Variants in PRDM16 observed in about 807,000 individuals in gnomAD.
The protein encoded by PRDM16 is histone-lysine N-methyltransferase PRDM16.
In PRDM16, 23 loss-of-function variants were observed where a neutral mutation model predicts 110.6. The ratio of observed to expected loss-of-function variants is 0.21; its 90% CI spans 0.15 to 0.29. The LOEUF (loss-of-function observed/expected upper bound fraction) is 0.29, where lower values mean the gene tolerates loss of function less well. PRDM16 is among the 10% of genes least tolerant of loss of function. The pLI is 1.00. For missense variants in PRDM16, 1,615 were observed against 1,794.3 expected (o/e 0.90, Z 1.81); for synonymous variants, 799 against 781.8 (o/e 1.02, Z -0.37).
At chr1:3,431,712 C>A (rs1053581402) in intron 15 of PRDM16, among the ~76,000 whole-genome samples, 12 of 151,806 alleles carry the variant, frequency 7.9e-5, no homozygotes, top group Non-Finnish European at 1.6e-4. Flanking sequence ...CTGGCAAGAC[C>A]TGAGCCCCCT....
chr1:3,315,392 T>C (rs1035593493), intron 3 of PRDM16, among the ~76,000 whole-genome samples: 20 of 152,048 alleles, frequency 1.3e-4, no homozygotes, highest in African/African-American at 4.6e-4. Flanking sequence ...CCTGAATTAT[T>C]ATTGGGAGGG....
Position 3,358,882 on chromosome 1 carries a change from G to A in PRDM16, c.439-26270G>A, listed in dbSNP as rs146972791. On this transcript the variant is annotated intron_variant, in intron 3 of 16. Coordinates refer to ENST00000270722, the MANE Select transcript of PRDM16 (RefSeq NM_022114.4). The surrounding 1 kb of genome is among the most constrained non-coding windows in gnomAD (Gnocchi z 4.0). ...GGAAAACAGACACCCCTCTTGGGCC[G>A]CAGAGGAGGTGGGGAAGCCGTGAAG... is the stretch of plus-strand genomic sequence containing the variant. Among the ~76,000 whole-genome samples the A allele has an allele frequency of 0.02, 3,014 of 152,266 alleles. 45 individuals are homozygous for A. Among genetic ancestry groups the A allele is most frequent in the South Asian group, 0.028 (133 of 4,822 alleles).
chr1:3,199,980 C>G (rs1638578211), intron 2 of PRDM16, among the ~76,000 whole-genome samples: 1 of 152,280 alleles, frequency 6.6e-6, no homozygotes, highest in African/African-American at 2.4e-5. Context: ...GCAGAGGCTA[C>G]AGGCCTCCCA....
chr1:3,304,412 G>A lies in PRDM16; in HGVS notation c.438+60275G>A, dbSNP rs137867280. On this transcript the variant is annotated intron_variant, in intron 3 of 16. Transcript: ENST00000270722. The stretch of plus-strand genomic sequence containing the variant: ...TTCCCTTAACAAGTGATCTCTATTC[G>A]CTGAAACCACATTTGCAGCCTCAGA... Among the ~76,000 whole-genome samples the A allele has an allele frequency of 3.0e-3, 458 of 152,298 alleles. 1 individual carries two copies. Among genetic ancestry groups the A allele is most frequent in the Middle Eastern group, 0.017 (5 of 294 alleles).
intron 1 of PRDM16, among the ~76,000 whole-genome samples, chr1:3,123,160 G>A (rs1241457008): frequency 1.3e-5 from 2 of 152,212 alleles, no homozygotes; most frequent in Non-Finnish European, 2.9e-5. Context: ...CCAAGCCTTC[G>A]GCGCTCCCCT....
At chr1:3,099,431 C>T (rs1329072220) in intron 1 of PRDM16, among the ~76,000 whole-genome samples, 4 of 152,256 alleles carry the variant, frequency 2.6e-5, no homozygotes, top group Admixed American at 2.0e-4. Context: ...CCCGGAGCCC[C>T]GGATGCTCAG....
intron 2 of PRDM16, among the ~76,000 whole-genome samples, chr1:3,199,410 G>C (rs1266605700): frequency 6.6e-6 from 1 of 152,184 alleles, no homozygotes; most frequent in Non-Finnish European, 1.5e-5. Flanking sequence ...TTGCCAGTGG[G>C]GCTCTGCTGA....
chr1:3,409,685 C>CGTGT (rs1166460283), intron 8 of PRDM16, among the ~76,000 whole-genome samples: 1 of 146,390 alleles, frequency 6.8e-6, no homozygotes, highest in African/African-American at 2.5e-5. Flanking sequence ...TGTGTGTGTG[C>CGTGT]GTGTGTGTGG....
intron 1 of PRDM16, among the ~76,000 whole-genome samples, chr1:3,130,218 C>A (rs913225446): frequency 6.6e-6 from 1 of 152,200 alleles, no homozygotes; most frequent in Non-Finnish European, 1.5e-5. Flanking sequence ...ACCAGCCAGA[C>A]CTGGAGGCCG....
chr1:3,328,162 C>G (rs148778604), intron 3 of PRDM16, among the ~76,000 whole-genome samples: 93 of 152,356 alleles, frequency 6.1e-4, no homozygotes, highest in African/African-American at 2.1e-3. Flanking sequence ...GCGAGAAGCT[C>G]CAAGATGCCC....
intron 3 of PRDM16, among the ~76,000 whole-genome samples, chr1:3,328,629 C>G (rs1419112483): frequency 1.3e-5 from 2 of 152,146 alleles, no homozygotes. Context: ...TCCCCTAGAA[C>G]AGAGGCCTGA....
intron 3 of PRDM16, among the ~76,000 whole-genome samples, chr1:3,338,888 G>A (rs1334544078): frequency 1.3e-5 from 2 of 152,258 alleles, no homozygotes; most frequent in African/African-American, 4.8e-5. Flanking sequence ...AGCAGAGAAA[G>A]GGCTGTCTGA....
intron 16 of PRDM16, among the ~76,000 whole-genome samples, chr1:3,432,659 C>G (rs542804679): frequency 6.8e-4 from 103 of 152,360 alleles, no homozygotes; most frequent in African/African-American, 2.3e-3. Flanking sequence ...GCATTTCTCT[C>G]CAGTCTGTAG....
In PRDM16 at chr1:3,425,701, G is replaced by A; in HGVS notation, c.3060G>A (p.Gln1020=). The stretch of plus-strand genomic sequence containing the variant: ...TGTGCAACCGCTGCTTCGGGCAGCA[G>A]ACCAACCTGGACCGGCACCTCAAGA... ...CHLCNRCFGQ[Q]TNLDRHLKKH... is the part of the protein sequence containing the mutation. The change falls in exon 13 of 17, where the codon CAG becomes CAA. Residue 1020 remains glutamine, a synonymous_variant. Transcript: ENST00000270722. The surrounding 1 kb of genome is among the most constrained non-coding windows in gnomAD (Gnocchi z 6.9). The A allele has an allele frequency of 1.2e-6, 2 of 1,613,876 alleles. No homozygotes were observed. Among genetic ancestry groups the A allele is most frequent in the Non-Finnish European group, 1.7e-6 (2 of 1,179,958 alleles).
chr1:3,133,188 A>G (rs1452964885), intron 1 of PRDM16: 2 of 152,244 alleles, frequency 1.3e-5, no homozygotes, highest in African/African-American at 2.4e-5. Flanking sequence ...GATGCCTGGG[A>G]GACTCAGGTT....
chr1:3,412,257 G>A lies in PRDM16; in HGVS notation c.2060G>A (p.Gly687Asp). ...PPDEQLLTAT[G>D]AAGDSIKAIA... ...GACGAGCAGCTGCTGACTGCAACGG[G>A]CGCCGCCGGGGACTCCATCAAGGCC... Residue 687 changes from glycine (G) to aspartate (D), a missense_variant, in exon 9 of 17, where the codon GGC (glycine) becomes GAC (aspartate). By Grantham distance (94) the Gly-to-Asp change is moderately conservative (BLOSUM62 -1). This residue lies in a region of PRDM16 where 772 missense variants were observed against 748.3 expected (regional missense o/e 1.03). Transcript: ENST00000270722. 2 of 1,612,376 alleles carry A rather than the reference G, an allele frequency of 1.2e-6. No homozygotes were observed. The highest frequency in any genetic ancestry group is 1.7e-6 in the Non-Finnish European group (2 of 1,179,132).
chr1:3,284,741 C>T (rs776861808), intron 3 of PRDM16, among the ~76,000 whole-genome samples: 4 of 152,202 alleles, frequency 2.6e-5, no homozygotes, highest in South Asian at 2.1e-4. Context: ...CTTCTAGAAA[C>T]GGCCATGCGT....
intron 3 of PRDM16, among the ~76,000 whole-genome samples, chr1:3,380,033 A>G (rs1318673160): frequency 1.7e-5 from 2 of 120,700 alleles, no homozygotes; most frequent in East Asian, 2.5e-4. Flanking sequence ...CTCACCATGC[A>G]CCCCTCCCAA....
intron 3 of PRDM16, among the ~76,000 whole-genome samples, chr1:3,352,415 G>A (rs532381250): frequency 1.9e-3 from 292 of 152,282 alleles, no homozygotes; most frequent in Non-Finnish European, 3.5e-3. Context: ...CTCCGAAGCC[G>A]GCGCCCCCCT....
Sources: gnomAD v4.1 joint callset for allele counts (sites outside exome capture counted in the v4.1 genomes callset) on GRCh38, gnomAD v4.1.1 for gene constraint, gnomAD v4.1.1 regional missense constraint, Gnocchi (gnomAD v3.1) non-coding constraint, MANE v1.5 for transcripts, NCBI Gene and HGNC (gene_info 2026-07-23, HGNC 2026-07-21) for gene names.